Variants in DYNC1I1 observed in about 807,000 individuals in gnomAD.
DYNC1I1 encodes dynein cytoplasmic 1 intermediate chain 1.
DYNC1I1 carries 43 observed loss-of-function variants against 86.6 expected under a neutral mutation model. The observed-to-expected ratio is 0.50, with a 90% CI of 0.39 to 0.64. The LOEUF (loss-of-function observed/expected upper bound fraction) is 0.64. Ranked by LOEUF, DYNC1I1 falls within the 30% of genes least tolerant of loss-of-function variation. DYNC1I1 has a pLI of 0.00. For synonymous variants in DYNC1I1, 262 were observed against 283.7 expected (o/e 0.92, Z 0.77); for missense variants, 604 against 788.8 (o/e 0.77, Z 2.81).
intron 6 of DYNC1I1, among the ~76,000 whole-genome samples, chr7:95,925,542 A>G (rs1385945861): frequency 2.0e-5 from 3 of 152,204 alleles, no homozygotes; most frequent in Admixed American, 6.5e-5. Flanking sequence ...CCGAGATTCT[A>G]AACAGAAATG....
chr7:95,962,413 G>GA lies in DYNC1I1; in HGVS notation c.491-15099_491-15098insA, dbSNP rs1294340197. Among the ~76,000 whole-genome samples the GA allele has an allele frequency of 5.3e-5, 8 of 152,176 alleles. No homozygotes were observed. The South Asian group carries it at 8.3e-4, about 16-fold the overall frequency. ...CAACTAAATAATAGCTGCTTCTGTGGGTCTTTCTAGCCCTTTGTTTCTGTG... is the reference window on the plus strand; with the variant it reads ...CAACTAAATAATAGCTGCTTCTGTGGAGTCTTTCTAGCCCTTTGTTTCTGTG... On this transcript the variant is annotated intron_variant, in intron 6 of 16. Transcript: ENST00000447467.
chr7:96,076,287 C>A, intron 15 of DYNC1I1, 90 bp downstream of exon 15: 1 of 1,524,212 alleles, frequency 6.6e-7, no homozygotes, highest in Non-Finnish European at 8.8e-7. Context: ...CCAAAACGGC[C>A]TTTTTTGGAC....
Position 95,813,271 on chromosome 7 carries a change from C to T in DYNC1I1, c.248C>T (p.Ser83Leu), listed in dbSNP as rs532833915. The T allele has an allele frequency of 4.3e-6, 7 of 1,612,624 alleles. No homozygotes were observed. Among genetic ancestry groups the T allele is most frequent in the African/African-American group, 2.7e-5 (2 of 74,670 alleles). ...PLVPTPMSPS[S>L]KSVSTPSEAG... The stretch of plus-strand genomic sequence containing the variant: ...GTCCCAACCCCTATGTCTCCCTCCT[C>T]GAAATCAGTGAGCACTCCCAGTGAA... The change falls in exon 4 of 17, where the codon TCG (serine) becomes TTG (leucine). Residue 83 changes from serine to leucine, a missense_variant. Physicochemically the swap from Ser to Leu is moderately radical, Grantham distance 145. Transcript: ENST00000447467.
intron 5 of DYNC1I1, among the ~76,000 whole-genome samples, chr7:95,836,848 T>G (rs531741347): frequency 5.7e-4 from 87 of 152,182 alleles, no homozygotes; most frequent in Middle Eastern, 6.8e-3. Flanking sequence ...TCTGTATTGG[T>G]TATTCTAGTT....
chr7:95,996,824 A>G (rs1793879139), intron 10 of DYNC1I1, among the ~76,000 whole-genome samples: 1 of 152,176 alleles, frequency 6.6e-6, no homozygotes, highest in Non-Finnish European at 1.5e-5. Flanking sequence ...GGCAAATAAA[A>G]AACAAACATT....
chr7:95,955,678 A>C (rs1333800512), intron 6 of DYNC1I1, among the ~76,000 whole-genome samples: 1 of 152,166 alleles, frequency 6.6e-6, no homozygotes, highest in South Asian at 2.1e-4. Context: ...TTTCGGAAAC[A>C]CATTAACCAG....
intron 14 of DYNC1I1, among the ~76,000 whole-genome samples, chr7:96,060,243 C>T (rs1789724327): frequency 6.6e-6 from 1 of 152,140 alleles, no homozygotes; most frequent in Non-Finnish European, 1.5e-5. Context: ...ACAAATCCAT[C>T]ATTACATATT....
chr7:95,832,313 G>A (rs1398865985), intron 5 of DYNC1I1, among the ~76,000 whole-genome samples: 3 of 149,368 alleles, frequency 2.0e-5, no homozygotes, highest in African/African-American at 7.5e-5. Flanking sequence ...ATTTTTTATG[G>A]CTGCATAGTA....
chr7:95,949,653 A>G (rs550505862), intron 6 of DYNC1I1, among the ~76,000 whole-genome samples: 2 of 152,358 alleles, frequency 1.3e-5, no homozygotes, highest in Admixed American at 6.5e-5. Flanking sequence ...TTAAATGCTG[A>G]GATGAAAGTC....
At chr7:95,806,948 C>G (rs74910594) in intron 2 of DYNC1I1, among the ~76,000 whole-genome samples, 4,873 of 152,204 alleles carry the variant, frequency 0.032, 254 homozygotes, top group African/African-American at 0.11. Flanking sequence ...TGGATCTGCC[C>G]TTCACAGAAT....
intron 5 of DYNC1I1, among the ~76,000 whole-genome samples, chr7:95,840,882 C>A (rs1391174111): frequency 1.3e-5 from 2 of 152,152 alleles, no homozygotes; most frequent in East Asian, 3.8e-4. Flanking sequence ...GCATTAGGTA[C>A]GTGTTCTAAT....
chr7:95,936,717 G>C (rs997730912), intron 6 of DYNC1I1, among the ~76,000 whole-genome samples: 5 of 151,760 alleles, frequency 3.3e-5, no homozygotes, highest in Non-Finnish European at 5.9e-5. Context: ...ATTGTTCCAG[G>C]AGAAAAAAAT....
At chr7:95,898,285 G>A (rs774329859) in intron 6 of DYNC1I1, among the ~76,000 whole-genome samples, 8 of 152,312 alleles carry the variant, frequency 5.3e-5, no homozygotes, top group South Asian at 2.1e-4. Context: ...AGGAAATCCC[G>A]TAGAGTTTTC....
At chr7:96,062,738 C>T (rs529635978) in intron 14 of DYNC1I1, among the ~76,000 whole-genome samples, 2 of 152,186 alleles carry the variant, frequency 1.3e-5, no homozygotes, top group Non-Finnish European at 2.9e-5. Context: ...TCTCCCAACT[C>T]ACTCCCCATC....
At chr7:95,855,141 T>G (rs1562923488) in intron 5 of DYNC1I1, among the ~76,000 whole-genome samples, 1 of 152,242 alleles carries the variant, frequency 6.6e-6, no homozygotes, top group Non-Finnish European at 1.5e-5. Context: ...CTGATGGTGA[T>G]GAACTCCTTC....
chr7:95,986,023 CGTGTGTGTGTGTGT>C lies in DYNC1I1; in HGVS notation c.744-1006_744-993del, dbSNP rs3138829. ...GTATTATCCTAGGCTCCTGGCAGGA[CGTGTGTGTGTGTGT>C]GTGTGTGTGTGTGTGTGTGTGTGTG... On this transcript the variant is annotated intron_variant, in intron 8 of 16. Transcript: ENST00000447467. 7.5e-4 allele frequency among the ~76,000 whole-genome samples: 100 copies of C among 132,738 alleles called. No individual in the cohort carries two copies. In the South Asian group the frequency reaches 0.02, roughly 27 times the overall value. The allele number at this position is 132,738 out of a possible 152,430, so 87.1% of individuals were successfully genotyped here.
intron 6 of DYNC1I1, among the ~76,000 whole-genome samples, chr7:95,887,227 T>C (rs1790617002): frequency 6.6e-6 from 1 of 152,134 alleles, no homozygotes; most frequent in Non-Finnish European, 1.5e-5. Flanking sequence ...GATTTGATGA[T>C]CTGGGGTAGG....
chr7:95,861,992 C>A (rs558973124), intron 5 of DYNC1I1, among the ~76,000 whole-genome samples: 1 of 152,242 alleles, frequency 6.6e-6, no homozygotes, highest in Non-Finnish European at 1.5e-5. Context: ...AACTGGATAT[C>A]CACTGGCAAA....
At chr7:95,914,831 T>A (rs912114538) in intron 6 of DYNC1I1, among the ~76,000 whole-genome samples, 1 of 152,198 alleles carries the variant, frequency 6.6e-6, no homozygotes, top group African/African-American at 2.4e-5. Flanking sequence ...CATGGTCTCG[T>A]GGCCTTTTCC....
Sources: gnomAD v4.1 joint callset for allele counts (sites outside exome capture counted in the v4.1 genomes callset) on GRCh38, gnomAD v4.1.1 for gene constraint, MANE v1.5 for transcripts, NCBI Gene and HGNC (gene_info 2026-07-23, HGNC 2026-07-21) for gene names.